SULF1: variants seen among roughly 807,000 people sequenced by gnomAD.
SULF1 encodes extracellular sulfatase Sulf-1.
Under a neutral mutation model 110.5 loss-of-function variants are expected in SULF1, and 46 were observed. The ratio of observed to expected loss-of-function variants is 0.42; its 90% CI spans 0.33 to 0.53. The LOEUF (loss-of-function observed/expected upper bound fraction) is 0.53. Ranked by LOEUF, SULF1 falls within the 20% of genes least tolerant of loss-of-function variation. The pLI is 0.12. For missense variants in SULF1, 941 were observed against 1,094.2 expected, an observed-to-expected ratio of 0.86 and a Z score of 1.98; for synonymous variants, 371 against 387.1, an observed-to-expected ratio of 0.96 and a Z score of 0.49.
At chr8:69,563,397 C>T (rs1271600915) in intron 3 of SULF1, 142 bp from the exon 4 acceptor site, 5 of 152,220 alleles carry the variant, frequency 3.3e-5, no homozygotes, top group African/African-American at 1.2e-4. Context: ...CCTTCTGTTC[C>T]TCCCTTTTGG....
At chr8:69,486,993 G>T (rs932470282) in intron 1 of SULF1, among the ~76,000 whole-genome samples, 13 of 152,178 alleles carry the variant, frequency 8.5e-5, no homozygotes, top group African/African-American at 2.9e-4. Flanking sequence ...AATGGGAAAA[G>T]AATTTCTCAA....
rs1807990081 is a variant in SULF1, at chr8:69,603,440, C to G, written c.1190+120C>G. The G allele has an allele frequency of 2.6e-6, 4 of 1,512,506 alleles. No individual in the cohort carries two copies. The South Asian group carries it at 3.5e-5, about 13-fold the overall frequency. The allele number at this position is 1,512,506 out of a possible 1,614,324, so 93.7% of individuals were successfully genotyped here. On this transcript the variant is annotated intron_variant, in intron 11 of 22. Coordinates refer to ENST00000402687, the MANE Select transcript of SULF1 (RefSeq NM_001128205.2). ...TATGCCTTGCCCACAAGGATCACCC[C>G]AAGCTGAGCATTTCTCAGCTGCTTG...
chr8:69,622,483 GCT>G (rs1449374709), intron 14 of SULF1, among the ~76,000 whole-genome samples: 1 of 152,044 alleles, frequency 6.6e-6, no homozygotes, highest in African/African-American at 2.4e-5. Context: ...TTCTCGGAAA[GCT>G]GAGGCAGGAG....
intron 5 of SULF1, among the ~76,000 whole-genome samples, chr8:69,574,299 C>T (rs998731930): frequency 1.3e-5 from 2 of 152,138 alleles, no homozygotes; most frequent in African/African-American, 4.8e-5. Context: ...CCATATTTCT[C>T]TTCATGCCAG....
chr8:69,502,688 T>C (rs1810894251), intron 3 of SULF1, among the ~76,000 whole-genome samples: 1 of 119,760 alleles, frequency 8.4e-6, no homozygotes, highest in Non-Finnish European at 1.8e-5. Context: ...TTCTTTTTTT[T>C]TCTTTTTTTT....
chr8:69,521,679 A>G (rs1812308237), intron 3 of SULF1, among the ~76,000 whole-genome samples: 1 of 152,166 alleles, frequency 6.6e-6, no homozygotes, highest in African/African-American at 2.4e-5. Flanking sequence ...AGGCTAACAC[A>G]TTACCTGGAG....
intron 22 of SULF1, among the ~76,000 whole-genome samples, chr8:69,651,989 A>T (rs748226595): frequency 3.9e-5 from 6 of 152,160 alleles, no homozygotes; most frequent in Non-Finnish European, 7.3e-5. Context: ...CGAGGCAAGA[A>T]TGTCCTTGCT....
chr8:69,627,949 C>G, intron 17 of SULF1, 83 bp downstream of exon 17: 1 of 1,052,930 alleles, frequency 9.5e-7, no homozygotes, highest in Non-Finnish European at 1.4e-6. Context: ...TCATTTTTCT[C>G]TCTTACCTAT....
chr8:69,591,014 G>C (rs1428518378), intron 8 of SULF1, among the ~76,000 whole-genome samples: 1 of 152,136 alleles, frequency 6.6e-6, no homozygotes, highest in Non-Finnish European at 1.5e-5. Context: ...AGTCTAAGGT[G>C]ACTTCCTATA....
intron 6 of SULF1, among the ~76,000 whole-genome samples, chr8:69,585,490 C>T (rs1180532082): frequency 6.6e-6 from 1 of 152,108 alleles, no homozygotes; most frequent in Non-Finnish European, 1.5e-5. Context: ...CCGTACCCCT[C>T]TCCTGTCATC....
At chr8:69,493,755 G>A (rs916277831) in intron 1 of SULF1, among the ~76,000 whole-genome samples, 1 of 152,194 alleles carries the variant, frequency 6.6e-6, no homozygotes, top group Non-Finnish European at 1.5e-5. Flanking sequence ...ATAACCGAAG[G>A]TTCTAATATT....
intron 22 of SULF1, among the ~76,000 whole-genome samples, chr8:69,652,189 GA>G: frequency 6.6e-6 from 1 of 151,866 alleles, no homozygotes; most frequent in South Asian, 2.1e-4. Context: ...GGACTCTTGA[GA>G]TCCCACTGGC....
intron 2 of SULF1, among the ~76,000 whole-genome samples, chr8:69,497,562 T>C (rs529553878): frequency 3.9e-5 from 6 of 152,330 alleles, no homozygotes; most frequent in African/African-American, 1.4e-4. Flanking sequence ...TAAATGTGTG[T>C]ATGTGTAAAG....
chr8:69,603,438 C>T, intron 11 of SULF1, 118 bp downstream of exon 11: 1 of 1,528,078 alleles, frequency 6.5e-7, no homozygotes, highest in Non-Finnish European at 9.0e-7. Flanking sequence ...CAAGGATCAC[C>T]CCAAGCTGAG....
intron 1 of SULF1, among the ~76,000 whole-genome samples, chr8:69,467,960 G>A (rs192572473): frequency 5.8e-4 from 87 of 151,224 alleles, no homozygotes; most frequent in African/African-American, 2.0e-3. Context: ...TAAGAAGGGG[G>A]TTTATATGCT....
chr8:69,608,325 GTTA>G (rs552194565), intron 13 of SULF1, among the ~76,000 whole-genome samples: 278 of 152,298 alleles, frequency 1.8e-3, no homozygotes, highest in African/African-American at 6.5e-3. Context: ...AATATTGGGT[GTTA>G]TTATTATTCC....
At chr8:69,530,011 T>A (rs145092905) in intron 3 of SULF1, among the ~76,000 whole-genome samples, 8 of 152,266 alleles carry the variant, frequency 5.3e-5, no homozygotes, top group Non-Finnish European at 8.8e-5. Flanking sequence ...TTATTAATGA[T>A]CCTATTTGGT....
Position 69,600,266 on chromosome 8 carries a change from C to T in SULF1, c.735-337C>T, listed in dbSNP as rs569816556. Among the ~76,000 whole-genome samples, 5 of 151,900 alleles carry T rather than the reference C, an allele frequency of 3.3e-5. No homozygotes were observed. The South Asian group carries it at 6.3e-4, about 19-fold the overall frequency. On this transcript the variant is annotated intron_variant, in intron 8 of 22. Coordinates refer to ENST00000402687, the MANE Select transcript of SULF1 (RefSeq NM_001128205.2). Reference sequence around the variant, plus strand: ...ATGAGGATATTCCCTTGTACCTTACCGAGACTTTATCTGTAGATTTGTAAC... The same window carrying T: ...ATGAGGATATTCCCTTGTACCTTACTGAGACTTTATCTGTAGATTTGTAAC...
chr8:69,486,486 C>CT (rs139852071), intron 1 of SULF1, among the ~76,000 whole-genome samples: 4 of 151,468 alleles, frequency 2.6e-5, no homozygotes, highest in Admixed American at 6.6e-5. Context: ...CAATTTACAC[C>CT]TTTTTTTTTC....
Sources: gnomAD v4.1 joint callset for allele counts (sites outside exome capture counted in the v4.1 genomes callset) on GRCh38, gnomAD v4.1.1 for gene constraint, MANE v1.5 for transcripts, NCBI Gene and HGNC (gene_info 2026-07-23, HGNC 2026-07-21) for gene names.